RPS6KA2: variants seen among roughly 807,000 people sequenced by gnomAD.
The protein encoded by RPS6KA2 is ribosomal protein S6 kinase A2.
Under a neutral mutation model 91.8 loss-of-function variants are expected in RPS6KA2, and 42 were observed. The observed-to-expected ratio is 0.46, with a 90% confidence interval of 0.36 to 0.59. The LOEUF (loss-of-function observed/expected upper bound fraction) is 0.59, where lower values mean the gene tolerates loss of function less well. Among genes scored for constraint, RPS6KA2 ranks in the 20% least tolerant of loss-of-function variants. RPS6KA2 has a pLI of 0.00. For synonymous variants in RPS6KA2, 414 were observed against 393.6 expected (o/e 1.05, Z -0.61); for missense variants, 798 against 978.5 (o/e 0.82, Z 2.46).
intron 1 of RPS6KA2, among the ~76,000 whole-genome samples, chr6:166,594,725 G>A (rs1191829776): frequency 1.3e-5 from 2 of 152,228 alleles, no homozygotes; most frequent in Non-Finnish European, 2.9e-5. Context: ...GCCTCCCAAA[G>A]TGCTGGGATT....
intron 2 of RPS6KA2, among the ~76,000 whole-genome samples, chr6:166,678,784 C>T (rs1788692558): frequency 6.6e-6 from 1 of 152,200 alleles, no homozygotes; most frequent in Admixed American, 6.5e-5. Flanking sequence ...AGTCTCGATC[C>T]CCCGCATTTC....
At chr6:166,582,465 T>C (rs547709756) in intron 1 of RPS6KA2, among the ~76,000 whole-genome samples, 98 of 152,344 alleles carry the variant, frequency 6.4e-4, no homozygotes, top group South Asian at 1.7e-3. Context: ...ACCTCATTAG[T>C]TGGGCGGAGA....
chr6:166,764,212 G>A (rs1271990661), intron 2 of RPS6KA2, among the ~76,000 whole-genome samples: 1 of 152,180 alleles, frequency 6.6e-6, no homozygotes, highest in African/African-American at 2.4e-5. Flanking sequence ...GAGCTGGGAA[G>A]ACCCCTGGGA....
intron 3 of RPS6KA2, among the ~76,000 whole-genome samples, chr6:166,511,912 T>C (rs1782489030): frequency 6.6e-6 from 1 of 152,108 alleles, no homozygotes; most frequent in African/African-American, 2.4e-5. Context: ...AGAAGTAGAA[T>C]TACCATGCAG....
At chr6:166,629,821 A>T (rs778245750), upstream of RPS6KA2, among the ~76,000 whole-genome samples, 1 of 152,174 alleles carries the variant, frequency 6.6e-6, no homozygotes, top group South Asian at 2.1e-4. Flanking sequence ...TGCTTCTATG[A>T]GTACCAGATT....
chr6:166,826,276 A>C (rs1190318730), intron 2 of RPS6KA2, among the ~76,000 whole-genome samples: 1 of 152,212 alleles, frequency 6.6e-6, no homozygotes, highest in Non-Finnish European at 1.5e-5. Flanking sequence ...GAAAGTGGAA[A>C]AGTAGAAAGA....
chr6:166,743,943 A>G (rs1216663854), intron 2 of RPS6KA2, among the ~76,000 whole-genome samples: 1 of 152,116 alleles, frequency 6.6e-6, no homozygotes, highest in Non-Finnish European at 1.5e-5. Flanking sequence ...AGACAATGAG[A>G]GGTCTGAATA....
At chr6:166,462,930 A>T (rs1780374966) in intron 11 of RPS6KA2, 1 of 152,294 alleles carries the variant, frequency 6.6e-6, no homozygotes, top group African/African-American at 2.4e-5. Flanking sequence ...TCCGTGTGCC[A>T]ACCGCAGCTA....
upstream of RPS6KA2, among the ~76,000 whole-genome samples, chr6:166,630,172 C>T (rs1235516953): frequency 1.3e-5 from 2 of 152,174 alleles, no homozygotes; most frequent in Non-Finnish European, 2.9e-5. Flanking sequence ...TGTCAGGCAG[C>T]TGTGACAAGG....
At chr6:166,480,493 ATATATATAT>A (rs1781164592) in intron 10 of RPS6KA2, among the ~76,000 whole-genome samples, 1 of 129,720 alleles carries the variant, frequency 7.7e-6, no homozygotes, top group African/African-American at 3.2e-5. Flanking sequence ...ATATATATAT[ATATATATAT>A]ATATATATAT....
At chr6:166,605,764 A>T (rs1785931586) in intron 1 of RPS6KA2, among the ~76,000 whole-genome samples, 1 of 152,258 alleles carries the variant, frequency 6.6e-6, no homozygotes, top group Non-Finnish European at 1.5e-5. Flanking sequence ...ACATCAAAAT[A>T]AAAATAGCAC....
chr6:166,758,073 C>T (rs1778067904), intron 2 of RPS6KA2, among the ~76,000 whole-genome samples: 1 of 152,234 alleles, frequency 6.6e-6, no homozygotes, highest in Non-Finnish European at 1.5e-5. Flanking sequence ...CCCCACTTGC[C>T]CACAGCCAGG....
chr6:166,831,324 C>T (rs894574349), intron 2 of RPS6KA2, among the ~76,000 whole-genome samples: 1 of 152,148 alleles, frequency 6.6e-6, no homozygotes, highest in Non-Finnish European at 1.5e-5. Flanking sequence ...CCCTCCCTGC[C>T]ATCTCTCTTC....
At chr6:166,457,833 A>G (rs1780152480) in intron 12 of RPS6KA2, among the ~76,000 whole-genome samples, 2 of 152,202 alleles carry the variant, frequency 1.3e-5, no homozygotes, top group Admixed American at 1.3e-4. Context: ...TGGATTCTCT[A>G]ACTTCATCTA....
chr6:166,536,997 C>T (rs1387284423), intron 2 of RPS6KA2, among the ~76,000 whole-genome samples: 2 of 152,168 alleles, frequency 1.3e-5, no homozygotes, highest in Non-Finnish European at 2.9e-5. Context: ...GAAATCTGAA[C>T]GAGGGAGCTG....
intron 1 of RPS6KA2, among the ~76,000 whole-genome samples, chr6:166,596,345 T>G (rs1785532571): frequency 1.3e-5 from 2 of 152,176 alleles, no homozygotes; most frequent in African/African-American, 4.8e-5. Context: ...AGGTTAACAT[T>G]CAACTCGGTG....
chr6:166,479,456 CA>C (rs530841008), intron 10 of RPS6KA2, among the ~76,000 whole-genome samples: 190 of 152,328 alleles, frequency 1.2e-3, no homozygotes, highest in African/African-American at 4.0e-3. Flanking sequence ...AGTGAGATGG[CA>C]GCGTGACTCG....
intron 1 of RPS6KA2, among the ~76,000 whole-genome samples, chr6:166,586,654 C>T (rs529558331): frequency 8.0e-6 from 1 of 124,604 alleles, no homozygotes; most frequent in Non-Finnish European, 1.5e-5. Flanking sequence ...TCCAGTTCTC[C>T]AATGTAACCG....
At chr6:166,503,068 A>G (rs902848147) in intron 6 of RPS6KA2, among the ~76,000 whole-genome samples, 1 of 152,234 alleles carries the variant, frequency 6.6e-6, no homozygotes, top group East Asian at 1.9e-4. Context: ...GAGCTAATTT[A>G]TAGAATATTT....
Sources: allele counts gnomAD v4.1 joint callset (sites outside exome capture counted in the v4.1 genomes callset), GRCh38; gene constraint gnomAD v4.1.1; transcripts MANE v1.5; gene names NCBI Gene and HGNC (gene_info 2026-07-23, HGNC 2026-07-21).